Variants in RNF13 observed in about 807,000 individuals in gnomAD.
The protein encoded by RNF13 is E3 ubiquitin-protein ligase RNF13.
Under a neutral mutation model 37.7 loss-of-function variants are expected in RNF13, and 19 were observed. The ratio of observed to expected loss-of-function variants is 0.50; its 90% confidence interval spans 0.35 to 0.74. The LOEUF (loss-of-function observed/expected upper bound fraction) is 0.74. Ranked by LOEUF, RNF13 falls within the 30% of genes least tolerant of loss-of-function variation. RNF13 has a pLI of 0.01. For missense variants in RNF13, 375 were observed against 453.0 expected (o/e 0.83, Z 1.56); for synonymous variants, 144 against 157.8 (o/e 0.91, Z 0.65).
At chr3:149,948,453 A>AT (rs1052814533) in intron 8 of RNF13, among the ~76,000 whole-genome samples, 17 of 150,910 alleles carry the variant, frequency 1.1e-4, no homozygotes, top group Non-Finnish European at 2.4e-4. Context: ...TTTTTTGTTG[A>AT]TTTTTTCTAG....
At chr3:149,848,746 G>GT (rs1722871805) in intron 2 of RNF13, among the ~76,000 whole-genome samples, 1 of 151,864 alleles carries the variant, frequency 6.6e-6, no homozygotes, top group Non-Finnish European at 1.5e-5. Flanking sequence ...TTTGTTTTTT[G>GT]TTTTTTGTTT....
At chr3:149,888,940 C>T (rs1714346074) in intron 4 of RNF13, among the ~76,000 whole-genome samples, 1 of 152,086 alleles carries the variant, frequency 6.6e-6, no homozygotes, top group Admixed American at 6.5e-5. Context: ...ACAAGGTAGC[C>T]AGATTTGTCT....
chr3:149,838,310 A>G (rs1008465716), intron 1 of RNF13, among the ~76,000 whole-genome samples: 1 of 152,154 alleles, frequency 6.6e-6, no homozygotes, highest in Non-Finnish European at 1.5e-5. Context: ...CTCTTCTCAC[A>G]GCTCCACCAG....
chr3:149,837,115 A>C (rs1453328574), intron 1 of RNF13, among the ~76,000 whole-genome samples: 1 of 152,218 alleles, frequency 6.6e-6, no homozygotes, highest in Non-Finnish European at 1.5e-5. Flanking sequence ...TGTATACTTT[A>C]AAATTTTTTA....
In RNF13 at chr3:149,865,335, T is replaced by TATAC. The variant is rs1479190485; in HGVS notation, c.196-6691_196-6690insCATA. On this transcript the variant is annotated intron_variant, in intron 3 of 9. Coordinates refer to ENST00000392894, the MANE Select transcript of RNF13 (RefSeq NM_183381.3). Reference sequence around the variant, plus strand: ...TCTTTCTAGATGTTTTGGTGATATATATATATATATATATATGTATAAAAC... The same window carrying TATAC: ...TCTTTCTAGATGTTTTGGTGATATATATACATATATATATATATATGTATAAAAC... 3.4e-3 allele frequency among the ~76,000 whole-genome samples: 495 copies of TATAC among 147,640 alleles called. 11 individuals carry two copies. The highest frequency in any genetic ancestry group is 0.026 in the Admixed American group (379 of 14,730).
chr3:149,868,817 C>G (rs1055137229), intron 3 of RNF13, among the ~76,000 whole-genome samples: 3 of 151,688 alleles, frequency 2.0e-5, no homozygotes, highest in Admixed American at 6.6e-5. Context: ...TAGTGTATGT[C>G]TTGGGGTAGT....
intron 6 of RNF13, among the ~76,000 whole-genome samples, chr3:149,906,774 C>T (rs1344499101): frequency 1.3e-5 from 2 of 150,626 alleles, no homozygotes; most frequent in East Asian, 3.9e-4. Context: ...ACTGCAGCCT[C>T]CTGAGTAGCT....
chr3:149,823,197 C>T (rs187358648), intron 1 of RNF13, among the ~76,000 whole-genome samples: 3 of 152,144 alleles, frequency 2.0e-5, no homozygotes, highest in Non-Finnish European at 2.9e-5. Flanking sequence ...GTGTGTTAGG[C>T]ACTGTTTTAA....
rs757211412 is a variant in RNF13, at chr3:149,960,170, T to C, written c.781+34T>C. Reference sequence around the variant, plus strand: ...AATTACGTACTGCTTTGAATTTACATATAGTAATTTATATTTAGGTTCCAT... The same window carrying C: ...AATTACGTACTGCTTTGAATTTACACATAGTAATTTATATTTAGGTTCCAT... On this transcript the variant is annotated intron_variant, in intron 9 of 9. Transcript: ENST00000392894. The C allele has an allele frequency of 2.3e-6, 3 of 1,323,940 alleles. No homozygotes were observed. The East Asian group carries it at 6.9e-5, about 31-fold the overall frequency. 82.0% of individuals were successfully genotyped at this position (1,323,940 alleles called of 1,614,324 possible).
At chr3:149,817,671 C>T (rs1719603999) in intron 1 of RNF13, among the ~76,000 whole-genome samples, 2 of 152,078 alleles carry the variant, frequency 1.3e-5, no homozygotes, top group Non-Finnish European at 2.9e-5. Context: ...AGAAGACACT[C>T]AAAGGATAAG....
chr3:149,849,190 A>C (rs1258005945), intron 2 of RNF13, among the ~76,000 whole-genome samples: 2 of 152,232 alleles, frequency 1.3e-5, no homozygotes. Flanking sequence ...TCAGTGCTGT[A>C]TATTCTGAGA....
At chr3:149,939,942 G>T in intron 8 of RNF13, 5 of 267,420 alleles carry the variant, frequency 1.9e-5, no homozygotes, top group Non-Finnish European at 2.9e-5. Flanking sequence ...AAATATAGCT[G>T]GTCTTATTTT....
chr3:149,874,147 C>A (rs1712417162), intron 4 of RNF13, among the ~76,000 whole-genome samples: 1 of 152,106 alleles, frequency 6.6e-6, no homozygotes, highest in Non-Finnish European at 1.5e-5. Flanking sequence ...TGTACATGTT[C>A]TTTAACTTGG....
chr3:149,911,353 A>G (rs1559945288), intron 6 of RNF13, among the ~76,000 whole-genome samples: 1 of 152,146 alleles, frequency 6.6e-6, no homozygotes, highest in Non-Finnish European at 1.5e-5. Flanking sequence ...CCCAGCTACT[A>G]AATTCAATAA....
chr3:149,863,764 T>C (rs79903818), intron 3 of RNF13, among the ~76,000 whole-genome samples: 2,724 of 152,298 alleles, frequency 0.018, 94 homozygotes, highest in African/African-American at 0.061. Context: ...GTTTCTGAAC[T>C]CTTGCTGTCA....
intron 8 of RNF13, 152 bp from the exon 9 acceptor site, chr3:149,959,904 A>G: frequency 2.0e-6 from 1 of 508,316 alleles, no homozygotes; most frequent in Non-Finnish European, 3.5e-6. Flanking sequence ...TTAAATTGAA[A>G]CTTCAGGTCC....
chr3:149,925,184 C>T (rs1257911731), intron 8 of RNF13, among the ~76,000 whole-genome samples: 1 of 152,032 alleles, frequency 6.6e-6, no homozygotes, highest in African/African-American at 2.4e-5. Flanking sequence ...CAGCCTGAAC[C>T]CATTTTGAAC....
At chr3:149,844,848 A>AATG (rs1318548461) in intron 1 of RNF13, among the ~76,000 whole-genome samples, 1 of 152,164 alleles carries the variant, frequency 6.6e-6, no homozygotes, top group African/African-American at 2.4e-5. Flanking sequence ...ATATTTATAG[A>AATG]GTTGTGCAAC....
intron 8 of RNF13, among the ~76,000 whole-genome samples, chr3:149,927,033 T>C (rs1034125687): frequency 1.3e-5 from 2 of 152,214 alleles, no homozygotes; most frequent in Non-Finnish European, 2.9e-5. Flanking sequence ...ATTTACCATT[T>C]TAATCATTTT....
Sources: gnomAD v4.1 joint callset for allele counts (sites outside exome capture counted in the v4.1 genomes callset) on GRCh38, gnomAD v4.1.1 for gene constraint, MANE v1.5 for transcripts, NCBI Gene and HGNC (gene_info 2026-07-23, HGNC 2026-07-21) for gene names.